The following C9orf72 variants were observed in gnomAD, a reference collection of about 807,000 sequenced individuals.
The protein encoded by C9orf72 is C9orf72-SMCR8 complex subunit.
Under a neutral mutation model 51.6 loss-of-function variants are expected in C9orf72, and 44 were observed. The ratio of observed to expected loss-of-function variants is 0.85; its 90% confidence interval spans 0.67 to 1.10. C9orf72 has a LOEUF of 1.10. Among genes scored for constraint, C9orf72 ranks in the 50% least tolerant of loss-of-function variants. The pLI is 0.00. For synonymous variants in C9orf72, 213 were observed against 194.2 expected, an observed-to-expected ratio of 1.10 and a Z score of -0.81; for missense variants, 607 against 570.6, an observed-to-expected ratio of 1.06 and a Z score of -0.65.
At chr9:27,567,201 G>T in intron 1 of C9orf72, 37 bp from the exon 2 acceptor site, 1 of 1,222,838 alleles carries the variant, frequency 8.2e-7, no homozygotes, top group Non-Finnish European at 1.1e-6. Context: ...ATTAGGTTCA[G>T]CAATTTAAAG....
intron 8 of C9orf72, among the ~76,000 whole-genome samples, chr9:27,553,348 A>G (rs926282894): frequency 6.6e-6 from 1 of 152,216 alleles, no homozygotes; most frequent in African/African-American, 2.4e-5. Context: ...ACAGCAGGGT[A>G]CTGTTATAAA....
At chr9:27,564,771 T>C (rs1326223053) in intron 3 of C9orf72, among the ~76,000 whole-genome samples, 5 of 152,134 alleles carry the variant, frequency 3.3e-5, no homozygotes, top group Admixed American at 6.5e-5. Context: ...TTTAAAATAT[T>C]GGAGTTTTAC....
chr9:27,562,359 A>G, intron 4 of C9orf72, 22 bp downstream of exon 4: 1 of 1,311,164 alleles, frequency 7.6e-7, no homozygotes, highest in Non-Finnish European at 1.1e-6. Flanking sequence ...TAAAGTGTAT[A>G]ATTGCTCTCA....
chr9:27,568,526 C>T (rs1167510118), intron 1 of C9orf72, among the ~76,000 whole-genome samples: 1 of 152,140 alleles, frequency 6.6e-6, no homozygotes, highest in Non-Finnish European at 1.5e-5. Context: ...TAAAAAGGTA[C>T]ATCCTATGTG....
At chr9:27,553,378 GGAGAATAGA>G (rs1455184407) in intron 8 of C9orf72, among the ~76,000 whole-genome samples, 1 of 152,056 alleles carries the variant, frequency 6.6e-6, no homozygotes, top group Non-Finnish European at 1.5e-5. Flanking sequence ...ATAGACCAAT[GGAGAATAGA>G]GAGCCAAGAA....
At chr9:27,557,286 C>G (rs2131534690) in intron 7 of C9orf72, among the ~76,000 whole-genome samples, 1 of 152,248 alleles carries the variant, frequency 6.6e-6, no homozygotes, top group South Asian at 2.1e-4. Context: ...CTATGCACCT[C>G]AATGAGTATG....
At chr9:27,569,995 G>C (rs1263877973) in intron 1 of C9orf72, among the ~76,000 whole-genome samples, 1 of 152,174 alleles carries the variant, frequency 6.6e-6, no homozygotes, top group Admixed American at 6.5e-5. Flanking sequence ...ATTATGAGTA[G>C]GCATACAGAG....
chr9:27,564,156 C>T (rs1243168445), intron 3 of C9orf72, among the ~76,000 whole-genome samples: 2 of 86,728 alleles, frequency 2.3e-5, no homozygotes, highest in Non-Finnish European at 4.5e-5. Context: ...TCAACAACAC[C>T]AAAAAAAAAA....
intron 1 of C9orf72, among the ~76,000 whole-genome samples, chr9:27,568,246 T>C (rs1015604687): frequency 1.3e-5 from 2 of 152,106 alleles, no homozygotes; most frequent in African/African-American, 4.8e-5. Flanking sequence ...AAGACAAAGA[T>C]AAAAATATTT....
chr9:27,571,524 T>C (rs1819586180), intron 1 of C9orf72, among the ~76,000 whole-genome samples: 1 of 152,170 alleles, frequency 6.6e-6, no homozygotes, highest in Admixed American at 6.5e-5. Flanking sequence ...GGCAGGATCA[T>C]AGCTCTCGGT....
At chr9:27,549,232 A>G (rs1364050302) in intron 9 of C9orf72, among the ~76,000 whole-genome samples, 1 of 152,218 alleles carries the variant, frequency 6.6e-6, no homozygotes, top group Non-Finnish European at 1.5e-5. Context: ...TGTTTACTTC[A>G]CTTTTAAAAC....
At chr9:27,560,523 C>G in intron 5 of C9orf72, 1 of 712,444 alleles carries the variant, frequency 1.4e-6, no homozygotes, top group East Asian at 4.6e-5. Context: ...CCCAATTAGT[C>G]AGTATAATAT....
At chr9:27,549,471 T>A (rs1386442387) in intron 9 of C9orf72, among the ~76,000 whole-genome samples, 1 of 152,122 alleles carries the variant, frequency 6.6e-6, no homozygotes. Flanking sequence ...CGAATTTTCC[T>A]TGAACTTCGC....
At chr9:27,548,499 A>G (rs573486774) in intron 10 of C9orf72, 58 bp downstream of exon 10, 1 of 1,460,416 alleles carries the variant, frequency 6.8e-7, no homozygotes, top group African/African-American at 1.4e-5. Context: ...TGTACAAAGG[A>G]AACAAAACAA....
At chr9:27,562,676 C>CTT (rs34007035) in intron 3 of C9orf72, among the ~76,000 whole-genome samples, 200 bp from the exon 4 acceptor site, 1 of 144,788 alleles carries the variant, frequency 6.9e-6, no homozygotes. Context: ...TCTTTCTTTT[C>CTT]TTTTTTTTTT....
chr9:27,548,290 A>G lies in C9orf72; in HGVS notation c.1392T>C (p.Phe464=). ...KIKPGLHSFI[F]GRPFYTSVQE... ...GCACACTAGTGTAGAAAGGTCTTCC[A>G]AAGATAAAAGAGTGTAGGCCTGGTT... is the stretch of plus-strand genomic sequence containing the variant. Residue 464 remains phenylalanine, a synonymous_variant, in exon 11 of 11, where the codon TTT becomes TTC. Coordinates refer to ENST00000380003, the MANE Select transcript of C9orf72 (RefSeq NM_018325.5). 6.2e-7 allele frequency: 1 copy of G among 1,613,500 alleles called. No homozygotes were observed. The highest frequency in any genetic ancestry group is 8.5e-7 in the Non-Finnish European group (1 of 1,179,646).
intron 8 of C9orf72, chr9:27,554,493 G>T (rs1820970850): frequency 5.0e-6 from 2 of 397,578 alleles, no homozygotes; most frequent in African/African-American, 2.1e-5. Flanking sequence ...CTTGAGGGTG[G>T]GAGAAGGGTG....
chr9:27,552,638 G>C (rs944628750), intron 8 of C9orf72, among the ~76,000 whole-genome samples: 2 of 150,582 alleles, frequency 1.3e-5, no homozygotes, highest in African/African-American at 4.9e-5. Flanking sequence ...TTACAGGTGT[G>C]AGTCACTACA....
intron 7 of C9orf72, among the ~76,000 whole-genome samples, chr9:27,558,047 AT>A (rs1057041953): frequency 4.7e-5 from 7 of 149,686 alleles, no homozygotes; most frequent in African/African-American, 1.2e-4. Context: ...GAAAAATACA[AT>A]TTTTTTCTAA....
Sources: gnomAD v4.1 joint callset for allele counts (sites outside exome capture counted in the v4.1 genomes callset) on GRCh38, gnomAD v4.1.1 for gene constraint, MANE v1.5 for transcripts, NCBI Gene and HGNC (gene_info 2026-07-23, HGNC 2026-07-21) for gene names.